Variants in GULP1 observed in about 807,000 individuals in gnomAD.
GULP1 encodes PTB domain-containing engulfment adapter protein 1.
GULP1 carries 19 observed loss-of-function variants against 40.9 expected under a neutral mutation model. That is an observed-to-expected ratio of 0.46 (90% confidence interval 0.32 to 0.68). The LOEUF is 0.68. Among genes scored for constraint, GULP1 ranks in the 30% least tolerant of loss-of-function variants. The pLI is 0.03. For missense variants in GULP1, 312 were observed against 362.2 expected (o/e 0.86, Z 1.12); for synonymous variants, 119 against 117.6 (o/e 1.01, Z -0.08).
At chr2:188,569,099 T>A in intron 7 of GULP1, 140 bp from the exon 8 acceptor site, 1 of 590,284 alleles carries the variant, frequency 1.7e-6, no homozygotes, top group Non-Finnish European at 3.1e-6. Flanking sequence ...ATTTAATACA[T>A]CTCTACTCCC....
intron 4 of GULP1, among the ~76,000 whole-genome samples, chr2:188,499,700 G>A (rs1363818331): frequency 6.6e-6 from 1 of 151,692 alleles, no homozygotes; most frequent in Non-Finnish European, 1.5e-5. Context: ...TAAATTATTT[G>A]AAATGTAATG....
At chr2:188,461,256 T>C (rs1400921888) in intron 2 of GULP1, among the ~76,000 whole-genome samples, 1 of 152,086 alleles carries the variant, frequency 6.6e-6, no homozygotes, top group Non-Finnish European at 1.5e-5. Context: ...AGCTCTTCTT[T>C]AAATGTTTGG....
chr2:188,484,116 C>A (rs2061661863), intron 4 of GULP1, among the ~76,000 whole-genome samples: 1 of 152,002 alleles, frequency 6.6e-6, no homozygotes. Context: ...CCGTGTTGCC[C>A]ATGCTGGTCT....
intron 2 of GULP1, among the ~76,000 whole-genome samples, chr2:188,412,909 C>T (rs1280061487): frequency 6.6e-6 from 1 of 152,020 alleles, no homozygotes; most frequent in Non-Finnish European, 1.5e-5. Flanking sequence ...ATGCTGTATC[C>T]AGAAACTCAA....
intron 4 of GULP1, among the ~76,000 whole-genome samples, chr2:188,493,267 T>C (rs566094489): frequency 6.7e-6 from 1 of 148,380 alleles, no homozygotes; most frequent in East Asian, 2.0e-4. Flanking sequence ...ACATTAGTCA[T>C]TGTTGCACAG....
chr2:188,542,652 G>A (rs780378014), intron 7 of GULP1, among the ~76,000 whole-genome samples: 1 of 151,636 alleles, frequency 6.6e-6, no homozygotes, highest in East Asian at 1.9e-4. Flanking sequence ...AGCAATATAA[G>A]ACAATATTTT....
At position 188,497,843 on chromosome 2, in the gene GULP1, TCTGAGATG is replaced by T. The variant is rs745533981; in HGVS notation, c.90+14354_90+14361del. Among the ~76,000 whole-genome samples, 13 of 152,038 alleles carry T rather than the reference TCTGAGATG, an allele frequency of 8.6e-5. No individual in the cohort carries two copies. In the South Asian group the frequency reaches 2.7e-3, roughly 32 times the overall value. On this transcript the variant is annotated intron_variant, in intron 4 of 11. Transcript: ENST00000409830. ...AAAGAATACACAAAAACATGAGGAATCTGAGATGCTTCAAGGCACAGCTCTCTAGGGTC... is the reference window on the plus strand; with the variant it reads ...AAAGAATACACAAAAACATGAGGAATCTTCAAGGCACAGCTCTCTAGGGTC...
chr2:188,542,127 T>G (rs944991894), intron 7 of GULP1: 2 of 151,672 alleles, frequency 1.3e-5, no homozygotes, highest in African/African-American at 4.8e-5. Flanking sequence ...AAAAAACAAC[T>G]TAAAATAATG....
chr2:188,481,470 A>G (rs562139190), intron 3 of GULP1, among the ~76,000 whole-genome samples: 2 of 152,076 alleles, frequency 1.3e-5, no homozygotes, highest in South Asian at 2.1e-4. Flanking sequence ...AGTGCTTGAT[A>G]ATATGGATGC....
chr2:188,364,348 G>C (rs2046462673), intron 1 of GULP1, among the ~76,000 whole-genome samples: 1 of 152,126 alleles, frequency 6.6e-6, no homozygotes. Context: ...AATTCACAGT[G>C]GAAAGTGAAG....
chr2:188,389,201 A>G (rs2050191819), intron 2 of GULP1, among the ~76,000 whole-genome samples: 1 of 152,036 alleles, frequency 6.6e-6, no homozygotes, highest in Non-Finnish European at 1.5e-5. Context: ...ACACTGAAGA[A>G]TTTTCTCTCC....
intron 2 of GULP1, among the ~76,000 whole-genome samples, chr2:188,468,122 A>T (rs1308979468): frequency 1.3e-5 from 2 of 152,102 alleles, no homozygotes; most frequent in Non-Finnish European, 2.9e-5. Flanking sequence ...TGCTTTAAGG[A>T]TATATATTAT....
At chr2:188,315,638 G>A (rs1195292558) in intron 1 of GULP1, among the ~76,000 whole-genome samples, 1 of 152,086 alleles carries the variant, frequency 6.6e-6, no homozygotes, top group Non-Finnish European at 1.5e-5. Context: ...ATCCTCAGGA[G>A]ACACGTTCCA....
chr2:188,294,741 C>G (rs2034558544), intron 1 of GULP1, among the ~76,000 whole-genome samples: 1 of 152,148 alleles, frequency 6.6e-6, no homozygotes, highest in African/African-American at 2.4e-5. Context: ...AGTTTTTCCA[C>G]TTGCAAAGTA....
In GULP1 at chr2:188,400,923, TTGTGTGTGTGTGTGTGTGTGTGTG is replaced by T. The variant is rs61060931; in HGVS notation, c.-45+17054_-45+17077del. On this transcript the variant is annotated intron_variant, in intron 2 of 11. Transcript: ENST00000409830. Reference sequence around the variant, plus strand: ...CTGAAATTGGAAGAGAGTGGTGTGTTTGTGTGTGTGTGTGTGTGTGTGTGTGTGTGTGTGTGTGTGTGTAAGAGA... The same window carrying T: ...CTGAAATTGGAAGAGAGTGGTGTGTTTGTGTGTGTGTGTGTGTGTAAGAGA... 8.6e-5 allele frequency among the ~76,000 whole-genome samples: 12 copies of T among 139,644 alleles called. No homozygotes were observed. In the East Asian group the frequency reaches 1.9e-3, roughly 22 times the overall value. 91.6% of individuals were successfully genotyped at this position (139,644 alleles called of 152,430 possible). A position where few individuals can be genotyped will look rare whatever the true frequency, so the allele number is the denominator to read the frequency against.
chr2:188,537,466 G>A (rs2153276993), intron 6 of GULP1, among the ~76,000 whole-genome samples: 1 of 152,104 alleles, frequency 6.6e-6, no homozygotes, highest in East Asian at 1.9e-4. Context: ...TCTTAATTCT[G>A]TTTTTATGTT....
At chr2:188,531,412 A>T (rs1687498628) in intron 6 of GULP1, among the ~76,000 whole-genome samples, 1 of 152,176 alleles carries the variant, frequency 6.6e-6, no homozygotes, top group South Asian at 2.1e-4. Flanking sequence ...TCTGTAGTAA[A>T]GATCAATGGC....
At chr2:188,565,662 A>G (rs1371625925) in intron 7 of GULP1, among the ~76,000 whole-genome samples, 1 of 152,086 alleles carries the variant, frequency 6.6e-6, no homozygotes, top group East Asian at 1.9e-4. Flanking sequence ...CCATGATTTA[A>G]CAGTTACATT....
chr2:188,535,096 TTAA>T (rs1209732770), intron 6 of GULP1, among the ~76,000 whole-genome samples: 1 of 151,266 alleles, frequency 6.6e-6, no homozygotes, highest in African/African-American at 2.4e-5. Flanking sequence ...AAGTAATTAT[TTAA>T]TGTTTAAATT....
Sources: allele counts gnomAD v4.1 joint callset (sites outside exome capture counted in the v4.1 genomes callset), GRCh38; gene constraint gnomAD v4.1.1; transcripts MANE v1.5; gene names NCBI Gene and HGNC (gene_info 2026-07-23, HGNC 2026-07-21).